ABCD3: variants seen among roughly 807,000 people sequenced by gnomAD.
The protein encoded by ABCD3 is ATP-binding cassette sub-family D member 3.
In ABCD3, 41 loss-of-function variants were observed where a neutral mutation model predicts 105.5. The ratio of observed to expected loss-of-function variants is 0.39; its 90% CI spans 0.30 to 0.50. The LOEUF (loss-of-function observed/expected upper bound fraction) is 0.50. Among genes scored for constraint, ABCD3 ranks in the 20% least tolerant of loss-of-function variants. ABCD3 has a pLI of 0.84. For missense variants in ABCD3, 622 were observed against 806.3 expected, an observed-to-expected ratio of 0.77 and a Z score of 2.77; for synonymous variants, 258 against 269.0, an observed-to-expected ratio of 0.96 and a Z score of 0.40.
At chr1:94,394,827 T>C in the ABCD3 span, among the ~76,000 whole-genome samples, 1 of 152,188 alleles carries the variant, frequency 6.6e-6, no homozygotes, top group Admixed American at 6.5e-5. Flanking sequence ...TGGGAGAGTG[T>C]TAGACTGAAC....
intron 3 of ABCD3, among the ~76,000 whole-genome samples, chr1:94,466,452 C>T (rs1468486021): frequency 6.6e-6 from 1 of 152,046 alleles, no homozygotes; most frequent in Non-Finnish European, 1.5e-5. Context: ...ACTTCATTTT[C>T]CTTATAGGGT....
intron 2 of ABCD3, among the ~76,000 whole-genome samples, chr1:94,462,499 G>C (rs1471950684): frequency 6.6e-6 from 1 of 152,150 alleles, no homozygotes; most frequent in African/African-American, 2.4e-5. Context: ...AATATAGTTA[G>C]TTCCTTTCAT....
chr1:94,405,360 G>A, the ABCD3 span, among the ~76,000 whole-genome samples: 2 of 150,180 alleles, frequency 1.3e-5, no homozygotes, highest in Non-Finnish European at 2.9e-5. Context: ...GCCAAGGCTG[G>A]AGTGCAATGG....
chr1:94,418,417 A>G lies in ABCD3; in HGVS notation c.-62A>G, dbSNP rs1659105459. On this transcript the variant is annotated 5_prime_UTR_variant, in exon 1 of 23. Transcript: ENST00000370214. ...AGTCTCCCCCGCGCTGCGTGCAGTA[A>G]GGTAGCCGCCGCCGCCGCCGCCGCC... 1 of 1,361,508 alleles carries G rather than the reference A, an allele frequency of 7.3e-7. No homozygotes were observed. The highest frequency in any genetic ancestry group is 1.0e-6 in the Non-Finnish European group (1 of 988,840). 84.3% of individuals were successfully genotyped at this position (1,361,508 alleles called of 1,614,324 possible).
intron 1 of ABCD3, chr1:94,418,869 G>GC: frequency 2.0e-6 from 1 of 508,144 alleles, no homozygotes; most frequent in Non-Finnish European, 3.5e-6. Flanking sequence ...TCAGGCAGCG[G>GC]CCTCCAGTTG....
chr1:94,436,609 A>C (rs757124389), intron 1 of ABCD3, among the ~76,000 whole-genome samples: 2 of 152,216 alleles, frequency 1.3e-5, no homozygotes, highest in African/African-American at 4.8e-5. Context: ...GCAACCCTGC[A>C]TTGAGCAAGT....
At chr1:94,513,753 A>G (rs1399705538) in intron 21 of ABCD3, 1 of 152,054 alleles carries the variant, frequency 6.6e-6, no homozygotes, top group South Asian at 2.1e-4. Flanking sequence ...CATGTAAAGA[A>G]TGTGTGCATT....
At chr1:94,479,844 C>T (rs1474034948) in intron 8 of ABCD3, among the ~76,000 whole-genome samples, 1 of 151,866 alleles carries the variant, frequency 6.6e-6, no homozygotes, top group Non-Finnish European at 1.5e-5. Flanking sequence ...TTCTTTTTCT[C>T]TTGGGATGGT....
At chr1:94,397,368 G>T in the ABCD3 span, among the ~76,000 whole-genome samples, 1 of 152,140 alleles carries the variant, frequency 6.6e-6, no homozygotes, top group Non-Finnish European at 1.5e-5. Context: ...GCACTCAGCC[G>T]CTGTGACTCC....
the ABCD3 span, among the ~76,000 whole-genome samples, chr1:94,392,553 C>T: frequency 3.3e-5 from 5 of 152,286 alleles, no homozygotes; most frequent in East Asian, 1.9e-4. Context: ...GCTTGTTATA[C>T]GGGTGATCTG....
At chr1:94,413,787 A>G (rs542302619), upstream of ABCD3, among the ~76,000 whole-genome samples, 137 of 152,002 alleles carry the variant, frequency 9.0e-4, no homozygotes, top group Non-Finnish European at 1.7e-3. Flanking sequence ...GCAGGTCTCT[A>G]AAAAAAATTT....
the ABCD3 span, among the ~76,000 whole-genome samples, chr1:94,388,771 T>A: frequency 3.3e-5 from 5 of 152,120 alleles, 1 homozygote; most frequent in South Asian, 1.0e-3. Flanking sequence ...TCAGGTAGTT[T>A]ATTTAAGAAG....
At chr1:94,471,450 C>G (rs188140411) in intron 4 of ABCD3, among the ~76,000 whole-genome samples, 1 of 148,344 alleles carries the variant, frequency 6.7e-6, no homozygotes, top group African/African-American at 2.5e-5. Flanking sequence ...CTCAATTACA[C>G]GGGAGGCTGA....
intron 1 of ABCD3, among the ~76,000 whole-genome samples, chr1:94,421,333 A>G (rs907530391): frequency 1.3e-5 from 2 of 152,184 alleles, no homozygotes; most frequent in Admixed American, 6.5e-5. Context: ...GACAAATTAG[A>G]ACATTTCTAT....
At position 94,517,976 on chromosome 1, in the gene ABCD3, A is replaced by G. The variant is rs1301084144; in HGVS notation, c.*847A>G. On this transcript the variant is annotated 3_prime_UTR_variant, in exon 23 of 23. Transcript: ENST00000370214. ...CCCATTCATTAGAAGTGTGGTGGTTATTTGGTATTAAACTCCAAATGAGCC... is the reference window on the plus strand; with the variant it reads ...CCCATTCATTAGAAGTGTGGTGGTTGTTTGGTATTAAACTCCAAATGAGCC... The G allele has an allele frequency of 6.6e-6, 1 of 151,866 alleles. No homozygotes were observed. Among genetic ancestry groups the G allele is most frequent in the Non-Finnish European group, 1.5e-5 (1 of 67,838 alleles). The allele number at this position is 151,866 out of a possible 1,614,324, so 9.4% of individuals were successfully genotyped here. A position where few individuals can be genotyped will look rare whatever the true frequency, so the allele number is the denominator to read the frequency against.
At chr1:94,499,750 G>A in intron 20 of ABCD3, 136 bp downstream of exon 20, 3 of 1,124,312 alleles carry the variant, frequency 2.7e-6, no homozygotes, top group Non-Finnish European at 3.8e-6. Context: ...TATCATAAAA[G>A]TGCTTGAAAA....
the ABCD3 span, among the ~76,000 whole-genome samples, chr1:94,395,814 AGT>A: frequency 2.6e-3 from 391 of 151,424 alleles, 1 homozygote; most frequent in Admixed American, 3.8e-3. Context: ...AGTGTGAGTG[AGT>A]GTGTGTGTGT....
the ABCD3 span, among the ~76,000 whole-genome samples, chr1:94,402,608 T>C: frequency 6.6e-6 from 1 of 152,180 alleles, no homozygotes; most frequent in African/African-American, 2.4e-5. Flanking sequence ...TCCAGTTTTG[T>C]TGGTTATTGA....
chr1:94,501,556 T>G (rs1207878341), intron 20 of ABCD3, among the ~76,000 whole-genome samples: 1 of 152,158 alleles, frequency 6.6e-6, no homozygotes, highest in Non-Finnish European at 1.5e-5. Flanking sequence ...AGTAGAAAGT[T>G]GAGGGGAAAG....
Sources: gnomAD v4.1 joint callset for allele counts (sites outside exome capture counted in the v4.1 genomes callset) on GRCh38, gnomAD v4.1.1 for gene constraint, MANE v1.5 for transcripts, NCBI Gene and HGNC (gene_info 2026-07-23, HGNC 2026-07-21) for gene names.